GAN: variants seen among roughly 807,000 people sequenced by gnomAD.
GAN encodes the protein gigaxonin, also known as epididymis secretory sperm binding protein.
A neutral mutation model predicts 71.3 loss-of-function variants in GAN; 48 were observed. That is an observed-to-expected ratio of 0.67 (90% CI 0.53 to 0.86). The LOEUF is 0.86. Among genes scored for constraint, GAN ranks in the 40% least tolerant of loss-of-function variants. The pLI is 0.00. For missense variants in GAN, 928 were observed against 770.1 expected, an observed-to-expected ratio of 1.21 and a Z score of -2.43; for synonymous variants, 386 against 276.8, an observed-to-expected ratio of 1.39 and a Z score of -3.92.
chr16:81,370,896 T>C (rs535904971), intron 9 of GAN, among the ~76,000 whole-genome samples: 4 of 152,390 alleles, frequency 2.6e-5, no homozygotes, highest in African/African-American at 9.6e-5. Context: ...AGATTACTTA[T>C]GGTAGATCTT....
At chr16:81,343,520 A>G (rs1287591666) in intron 1 of GAN, among the ~76,000 whole-genome samples, 1 of 152,218 alleles carries the variant, frequency 6.6e-6, no homozygotes, top group East Asian at 1.9e-4. Flanking sequence ...CAAAAACCAC[A>G]TGATTATCTC....
intron 1 of GAN, among the ~76,000 whole-genome samples, chr16:81,319,797 A>C (rs1909167334): frequency 6.6e-6 from 1 of 152,076 alleles, no homozygotes; most frequent in African/African-American, 2.4e-5. Flanking sequence ...ATCATGAGCG[A>C]CTTTTCTGGG....
chr16:81,328,686 A>G (rs934111203), intron 1 of GAN, among the ~76,000 whole-genome samples: 4 of 142,276 alleles, frequency 2.8e-5, no homozygotes, highest in Non-Finnish European at 4.6e-5. Flanking sequence ...TTTTTTTTAG[A>G]TCTATCACCA....
At chr16:81,323,826 G>C (rs1037566060) in intron 1 of GAN, among the ~76,000 whole-genome samples, 13 of 152,116 alleles carry the variant, frequency 8.5e-5, no homozygotes, top group African/African-American at 3.1e-4. Flanking sequence ...CCATCCTCTT[G>C]TGCTGCCTGC....
In GAN at chr16:81,384,042, G is replaced by C. The variant is rs566651970; in HGVS notation, c.*6446G>C. The C allele has an allele frequency of 1.2e-4, 19 of 152,104 alleles. No individual in the cohort carries two copies. The South Asian group carries it at 3.5e-3, about 28-fold the overall frequency. 9.4% of individuals were successfully genotyped at this position (152,104 alleles called of 1,614,324 possible). On this transcript the variant is annotated 3_prime_UTR_variant, in exon 11 of 11. Transcript: ENST00000648994. ...TTTTCAAGTTATACCAGTCAACTTG[G>C]TTTAAATACAACTGTACTAACTTGC... is the stretch of plus-strand genomic sequence containing the variant.
chr16:81,325,009 G>T (rs115956631), intron 1 of GAN, among the ~76,000 whole-genome samples: 247 of 152,276 alleles, frequency 1.6e-3, no homozygotes, highest in African/African-American at 5.8e-3. Context: ...GAAAAGGGCA[G>T]ACCAGGGATG....
chr16:81,336,257 T>C (rs1000748995), intron 1 of GAN, among the ~76,000 whole-genome samples: 56 of 152,254 alleles, frequency 3.7e-4, no homozygotes, highest in African/African-American at 1.3e-3. Context: ...GTCTCAGACG[T>C]CTGTGGAAAT....
At chr16:81,341,344 C>G (rs1291430205) in intron 1 of GAN, among the ~76,000 whole-genome samples, 5 of 151,900 alleles carry the variant, frequency 3.3e-5, no homozygotes, top group South Asian at 4.2e-4. Flanking sequence ...CATAGATTCA[C>G]CAAGGTTGAA....
At chr16:81,344,713 C>G (rs868462811) in intron 1 of GAN, among the ~76,000 whole-genome samples, 1 of 151,910 alleles carries the variant, frequency 6.6e-6, no homozygotes, top group African/African-American at 2.4e-5. Flanking sequence ...AAGACCATGT[C>G]TAAAACACCA....
intron 9 of GAN, among the ~76,000 whole-genome samples, chr16:81,372,563 C>A (rs1477798095): frequency 1.3e-5 from 2 of 152,188 alleles, no homozygotes; most frequent in Non-Finnish European, 2.9e-5. Context: ...GAAGCCTTGT[C>A]TTTACCTAAA....
Position 81,387,084 on chromosome 16 carries a change from C to T in GAN, c.*9488C>T, listed in dbSNP as rs1468503188. ...TAAGGTGAGCTACTCTAGCAGCATC[C>T]TGTTTGACATTTGTATCCATAACTT... On this transcript the variant is annotated 3_prime_UTR_variant, in exon 11 of 11. Transcript: ENST00000648994. 1 of 152,190 alleles carries T rather than the reference C, an allele frequency of 6.6e-6. No individual in the cohort carries two copies. Among genetic ancestry groups the T allele is most frequent in the Admixed American group, 6.5e-5 (1 of 15,272 alleles). 9.4% of individuals were successfully genotyped at this position (152,190 alleles called of 1,614,324 possible).
chr16:81,330,863 G>A (rs1371832705), intron 1 of GAN, among the ~76,000 whole-genome samples: 2 of 152,186 alleles, frequency 1.3e-5, no homozygotes, highest in South Asian at 2.1e-4. Flanking sequence ...TGCCTGATAC[G>A]ATATTTCCGT....
At chr16:81,370,155 A>C (rs763480885) in intron 9 of GAN, among the ~76,000 whole-genome samples, 4 of 152,244 alleles carry the variant, frequency 2.6e-5, no homozygotes, top group Non-Finnish European at 5.9e-5. Context: ...TAATGGGCTA[A>C]TGTCGGCTGT....
intron 8 of GAN, 109 bp downstream of exon 8, chr16:81,365,219 G>C: frequency 6.4e-7 from 1 of 1,564,652 alleles, no homozygotes; most frequent in Non-Finnish European, 8.8e-7. Context: ...CCTTTTCTTT[G>C]ACTTGGCATT....
intron 9 of GAN, among the ~76,000 whole-genome samples, chr16:81,375,579 A>G (rs1904277603): frequency 1.3e-5 from 2 of 150,804 alleles, no homozygotes; most frequent in African/African-American, 2.4e-5. Context: ...ACCTGCCTCA[A>G]CCTCCCAAAG....
rs778811721 is a variant in GAN at position 81,363,931 on chromosome 16, C to G, written c.1224C>G (p.Thr408=). ...SKTWTKQPDL[T]MVRKIGCYAA... The stretch of plus-strand genomic sequence containing the variant: ...CCTGGACAAAGCAACCTGATTTGAC[C>G]ATGGTCAGAAAGGTGAGGACTGCAT... Residue 408 remains threonine, a synonymous_variant, in exon 7 of 11, where the codon ACC becomes ACG. Transcript: ENST00000648994. The G allele has an allele frequency of 4.3e-6, 7 of 1,613,262 alleles. No individual in the cohort carries two copies. The East Asian group carries it at 1.6e-4, about 36-fold the overall frequency.
intron 9 of GAN, 141 bp downstream of exon 9, chr16:81,365,619 T>A (rs1910830170): frequency 1.2e-6 from 1 of 825,408 alleles, no homozygotes; most frequent in South Asian, 1.4e-5. Context: ...ACTAGATATT[T>A]ATTCAGTGAC....
At chr16:81,334,843 A>C (rs956886647) in intron 1 of GAN, among the ~76,000 whole-genome samples, 11 of 152,198 alleles carry the variant, frequency 7.2e-5, no homozygotes, top group African/African-American at 2.4e-4. Flanking sequence ...ATTAAAATCC[A>C]CTGGTTCTCT....
At chr16:81,368,905 T>A (rs1364478782) in intron 9 of GAN, among the ~76,000 whole-genome samples, 2 of 152,194 alleles carry the variant, frequency 1.3e-5, no homozygotes, top group African/African-American at 2.4e-5. Flanking sequence ...CTTGACTGTT[T>A]CCCACTGCTT....
Sources: allele counts gnomAD v4.1 joint callset (sites outside exome capture counted in the v4.1 genomes callset), GRCh38; gene constraint gnomAD v4.1.1; transcripts MANE v1.5; gene names NCBI Gene and HGNC (gene_info 2026-07-23, HGNC 2026-07-21).